The following LDB2 variants were observed in gnomAD, a reference collection of about 807,000 sequenced individuals.
The protein encoded by LDB2 is LIM domain binding 2, also known as LIM domain-binding protein 2.
A neutral mutation model predicts 44.3 loss-of-function variants in LDB2; 12 were observed. The ratio of observed to expected loss-of-function variants is 0.27; its 90% CI spans 0.17 to 0.44. LDB2 has a LOEUF of 0.44. LDB2 is among the 20% of genes least tolerant of loss of function. LDB2 has a pLI of 1.00. For missense variants in LDB2, 344 were observed against 473.5 expected (o/e 0.73, Z 2.54); for synonymous variants, 164 against 174.8 (o/e 0.94, Z 0.49).
intron 2 of LDB2, among the ~76,000 whole-genome samples, chr4:16,690,234 A>G (rs936387201): frequency 1.3e-4 from 19 of 151,868 alleles, no homozygotes; most frequent in African/African-American, 4.6e-4. Flanking sequence ...GGCACTTGAA[A>G]GGTCTATGGT....
At chr4:16,670,727 TA>T (rs956624925) in intron 2 of LDB2, among the ~76,000 whole-genome samples, 1 of 152,228 alleles carries the variant, frequency 6.6e-6, no homozygotes, top group Non-Finnish European at 1.5e-5. Context: ...TCCTCATCTA[TA>T]AAATGGGCAT....
chr4:16,857,295 G>C (rs910949897), intron 1 of LDB2, among the ~76,000 whole-genome samples: 6 of 152,136 alleles, frequency 3.9e-5, no homozygotes, highest in Admixed American at 1.3e-4. Flanking sequence ...ATTCCTCACT[G>C]TCTGTGGCCA....
intron 1 of LDB2, among the ~76,000 whole-genome samples, chr4:16,875,358 C>T (rs956057102): frequency 6.6e-6 from 1 of 152,002 alleles, no homozygotes; most frequent in African/African-American, 2.4e-5. Context: ...TTAAAGATTA[C>T]CATGCTACTG....
At chr4:16,686,849 C>T (rs1377787763) in intron 2 of LDB2, among the ~76,000 whole-genome samples, 2 of 152,064 alleles carry the variant, frequency 1.3e-5, no homozygotes, top group Non-Finnish European at 2.9e-5. Flanking sequence ...AATGCATATC[C>T]TTGCTCTTGC....
At chr4:16,782,909 T>G (rs1470685149) in intron 1 of LDB2, among the ~76,000 whole-genome samples, 1 of 151,728 alleles carries the variant, frequency 6.6e-6, no homozygotes, top group Non-Finnish European at 1.5e-5. Context: ...GTAGATAACT[T>G]TAGACAATGA....
chr4:16,880,406 A>T (rs1719708566), intron 1 of LDB2, among the ~76,000 whole-genome samples: 1 of 152,284 alleles, frequency 6.6e-6, no homozygotes, highest in South Asian at 2.1e-4. Flanking sequence ...GAAGACCAGG[A>T]AGCTTTTCAT....
intron 2 of LDB2, among the ~76,000 whole-genome samples, chr4:16,659,755 C>G (rs543648777): frequency 4.0e-5 from 6 of 150,302 alleles, no homozygotes; most frequent in Admixed American, 2.0e-4. Context: ...AACAGATTTC[C>G]AAAGTTCAGG....
intron 5 of LDB2, among the ~76,000 whole-genome samples, chr4:16,558,830 G>A (rs1396257973): frequency 2.0e-5 from 3 of 152,110 alleles, no homozygotes; most frequent in African/African-American, 4.8e-5. Context: ...GTTACCCACA[G>A]AGGGAAGCCC....
chr4:16,652,858 C>A (rs570100644), intron 2 of LDB2, among the ~76,000 whole-genome samples: 2 of 152,088 alleles, frequency 1.3e-5, no homozygotes, highest in Non-Finnish European at 2.9e-5. Flanking sequence ...TGCTGACTGT[C>A]GTGAAGGGAA....
chr4:16,542,806 T>C (rs140290991), intron 5 of LDB2, among the ~76,000 whole-genome samples: 312 of 152,258 alleles, frequency 2.0e-3, no homozygotes, highest in Admixed American at 5.7e-3. Flanking sequence ...TTTGTTGTTA[T>C]ACTTCTAGCG....
At chr4:16,564,655 G>A (rs1412147494) in intron 5 of LDB2, among the ~76,000 whole-genome samples, 1 of 152,014 alleles carries the variant, frequency 6.6e-6, no homozygotes, top group Admixed American at 6.6e-5. Context: ...CATTGCTTTG[G>A]AATATTATGT....
intron 2 of LDB2, among the ~76,000 whole-genome samples, chr4:16,596,924 C>A (rs1721111945): frequency 6.6e-6 from 1 of 152,126 alleles, no homozygotes; most frequent in South Asian, 2.1e-4. Context: ...AGGCAAAGTT[C>A]TAAAGCACTC....
At chr4:16,578,332 C>T (rs1024069363) in intron 5 of LDB2, among the ~76,000 whole-genome samples, 2 of 152,054 alleles carry the variant, frequency 1.3e-5, no homozygotes, top group African/African-American at 4.8e-5. Flanking sequence ...AACCATAATA[C>T]ACGAGAAGAT....
At chr4:16,637,941 A>G (rs1560717431) in intron 2 of LDB2, among the ~76,000 whole-genome samples, 1 of 152,212 alleles carries the variant, frequency 6.6e-6, no homozygotes. Context: ...TGGCTCTGCC[A>G]CTTGCCAGCA....
chr4:16,559,680 AC>A (rs1338307326), intron 5 of LDB2, among the ~76,000 whole-genome samples: 1 of 152,110 alleles, frequency 6.6e-6, no homozygotes, highest in African/African-American at 2.4e-5. Context: ...CAACAAGGAT[AC>A]CCAGGAATTG....
intron 2 of LDB2, among the ~76,000 whole-genome samples, chr4:16,646,585 G>A (rs1016581365): frequency 6.6e-6 from 1 of 152,192 alleles, no homozygotes; most frequent in Non-Finnish European, 1.5e-5. Flanking sequence ...GCCCCTGAAT[G>A]AATCTGATCT....
intron 1 of LDB2, among the ~76,000 whole-genome samples, chr4:16,892,899 G>A (rs1009359076): frequency 2.0e-5 from 3 of 151,902 alleles, no homozygotes; most frequent in Admixed American, 2.0e-4. Context: ...ATTTTAGGCT[G>A]ATAAGAATCT....
At chr4:16,591,220 G>T (rs1009938405) in intron 3 of LDB2, among the ~76,000 whole-genome samples, 3 of 152,184 alleles carry the variant, frequency 2.0e-5, no homozygotes, top group Non-Finnish European at 4.4e-5. Flanking sequence ...GAAGGGTCTG[G>T]TTTACTTCTA....
intron 2 of LDB2, among the ~76,000 whole-genome samples, chr4:16,663,496 T>C (rs946362003): frequency 5.3e-5 from 8 of 152,294 alleles, no homozygotes; most frequent in South Asian, 2.1e-4. Context: ...GTTTCATAGA[T>C]GTAAATGGTT....
Sources: gnomAD v4.1 joint callset for allele counts (sites outside exome capture counted in the v4.1 genomes callset) on GRCh38, gnomAD v4.1.1 for gene constraint, MANE v1.5 for transcripts, NCBI Gene and HGNC (gene_info 2026-07-23, HGNC 2026-07-21) for gene names.